ADIPOR2: variants seen among roughly 807,000 people sequenced by gnomAD.
The protein encoded by ADIPOR2 is adiponectin receptor 2.
A neutral mutation model predicts 40.9 loss-of-function variants in ADIPOR2; 18 were observed. The ratio of observed to expected loss-of-function variants is 0.44; its 90% CI spans 0.30 to 0.65. The LOEUF (loss-of-function observed/expected upper bound fraction) is 0.65, where lower values mean the gene tolerates loss of function less well. ADIPOR2 is among the 30% of genes least tolerant of loss of function. ADIPOR2 has a pLI of 0.09. For synonymous variants in ADIPOR2, 165 were observed against 166.4 expected, an observed-to-expected ratio of 0.99 and a Z score of 0.06; for missense variants, 283 against 479.2, an observed-to-expected ratio of 0.59 and a Z score of 3.82.
intron 1 of ADIPOR2, among the ~76,000 whole-genome samples, chr12:1,735,476 C>A (rs1183015294): frequency 6.6e-6 from 1 of 152,194 alleles, no homozygotes; most frequent in Non-Finnish European, 1.5e-5. Flanking sequence ...AGTTGCCTAT[C>A]AGCTTAAGGA....
At chr12:1,719,891 G>T (rs565957256) in intron 1 of ADIPOR2, among the ~76,000 whole-genome samples, 1 of 152,122 alleles carries the variant, frequency 6.6e-6, no homozygotes, top group African/African-American at 2.4e-5. Flanking sequence ...TGGCCAGGCT[G>T]GTCTCGACCT....
intron 1 of ADIPOR2, among the ~76,000 whole-genome samples, chr12:1,706,792 AAACCAC>A (rs1222762271): frequency 6.6e-6 from 1 of 152,140 alleles, no homozygotes; most frequent in African/African-American, 2.4e-5. Context: ...TGGTTCAAGG[AAACCAC>A]TGATTTGCAT....
At chr12:1,766,924 CTT>C (rs745316279) in intron 2 of ADIPOR2, among the ~76,000 whole-genome samples, 1 of 152,302 alleles carries the variant, frequency 6.6e-6, no homozygotes, top group Non-Finnish European at 1.5e-5. Flanking sequence ...TAAATAGACT[CTT>C]GTCAATCACT....
At chr12:1,762,806 T>A (rs1025700957) in intron 2 of ADIPOR2, among the ~76,000 whole-genome samples, 3 of 152,336 alleles carry the variant, frequency 2.0e-5, no homozygotes, top group Middle Eastern at 6.8e-3. Context: ...GTATGTGTAT[T>A]GTACACTGGG....
At chr12:1,777,569 G>C (rs371781963) in intron 3 of ADIPOR2, among the ~76,000 whole-genome samples, 1 of 151,720 alleles carries the variant, frequency 6.6e-6, no homozygotes, top group South Asian at 2.1e-4. Flanking sequence ...TGTATTTTTA[G>C]TAGAGATGGG....
At chr12:1,739,516 TGATA>T (rs1184351420) in intron 1 of ADIPOR2, among the ~76,000 whole-genome samples, 1 of 152,250 alleles carries the variant, frequency 6.6e-6, no homozygotes, top group African/African-American at 2.4e-5. Flanking sequence ...TAATGTTTTG[TGATA>T]GATGAATGAA....
intron 1 of ADIPOR2, among the ~76,000 whole-genome samples, chr12:1,727,568 C>T (rs1453103847): frequency 6.6e-6 from 1 of 152,094 alleles, no homozygotes; most frequent in South Asian, 2.1e-4. Context: ...AATCTGAAGC[C>T]ACATGTGCTC....
At chr12:1,706,824 C>G (rs930821173) in intron 1 of ADIPOR2, among the ~76,000 whole-genome samples, 4 of 152,102 alleles carry the variant, frequency 2.6e-5, no homozygotes, top group African/African-American at 9.7e-5. Flanking sequence ...CATTTTGTCT[C>G]TTAGAATTTC....
At chr12:1,745,165 A>T (rs2094752278) in intron 1 of ADIPOR2, among the ~76,000 whole-genome samples, 1 of 152,174 alleles carries the variant, frequency 6.6e-6, no homozygotes, top group African/African-American at 2.4e-5. Context: ...AGCTTTTGTC[A>T]TGACCTTCGC....
chr12:1,771,162 G>A (rs533822061), intron 2 of ADIPOR2, among the ~76,000 whole-genome samples: 19 of 152,234 alleles, frequency 1.2e-4, no homozygotes, highest in Admixed American at 1.3e-4. Flanking sequence ...CTACACACAC[G>A]CATGTGCACA....
At chr12:1,739,412 T>G (rs2094737978) in intron 1 of ADIPOR2, among the ~76,000 whole-genome samples, 1 of 152,224 alleles carries the variant, frequency 6.6e-6, no homozygotes, top group African/African-American at 2.4e-5. Flanking sequence ...AGGGCAGGGT[T>G]AGCAAACTAT....
intron 1 of ADIPOR2, among the ~76,000 whole-genome samples, chr12:1,749,681 T>C (rs1013742163): frequency 6.6e-6 from 1 of 152,174 alleles, no homozygotes; most frequent in Non-Finnish European, 1.5e-5. Context: ...GCCTTCCATG[T>C]AAGTTTTATA....
intron 2 of ADIPOR2, among the ~76,000 whole-genome samples, chr12:1,762,047 G>A (rs1044807164): frequency 6.6e-6 from 1 of 152,110 alleles, no homozygotes; most frequent in Non-Finnish European, 1.5e-5. Context: ...AGCTGCAGCC[G>A]CATTGGCCTT....
At chr12:1,692,385 T>G (rs923885959) in intron 1 of ADIPOR2, among the ~76,000 whole-genome samples, 1 of 152,214 alleles carries the variant, frequency 6.6e-6, no homozygotes, top group African/African-American at 2.4e-5. Flanking sequence ...GTTGTCAGAG[T>G]GTTGATTGTG....
At chr12:1,764,218 C>T (rs140650878) in intron 2 of ADIPOR2, among the ~76,000 whole-genome samples, 101 of 152,022 alleles carry the variant, frequency 6.6e-4, no homozygotes, top group African/African-American at 2.4e-3. Flanking sequence ...CTGTGGTCCC[C>T]GACACTATAT....
chr12:1,717,665 A>G (rs2094690322), intron 1 of ADIPOR2, among the ~76,000 whole-genome samples: 1 of 152,088 alleles, frequency 6.6e-6, no homozygotes, highest in African/African-American at 2.4e-5. Flanking sequence ...AGATCGTGCC[A>G]TTGTACTCCA....
chr12:1,772,071 C>A (rs1479012804), intron 2 of ADIPOR2, among the ~76,000 whole-genome samples: 3 of 152,230 alleles, frequency 2.0e-5, no homozygotes, highest in Non-Finnish European at 4.4e-5. Context: ...CTCACAATAT[C>A]ATTTTATCTA....
chr12:1,771,318 C>T (rs1284961056), intron 2 of ADIPOR2, among the ~76,000 whole-genome samples: 5 of 151,910 alleles, frequency 3.3e-5, no homozygotes, highest in South Asian at 2.1e-4. Context: ...GAGCCATGAT[C>T]GCACCACTGT....
chr12:1,719,281 A>T (rs1592585219), intron 1 of ADIPOR2, among the ~76,000 whole-genome samples: 1 of 152,180 alleles, frequency 6.6e-6, no homozygotes, highest in South Asian at 2.1e-4. Flanking sequence ...ATTTCTTGAC[A>T]GTTTCTTAAT....
Sources: allele counts gnomAD v4.1 joint callset (sites outside exome capture counted in the v4.1 genomes callset), GRCh38; gene constraint gnomAD v4.1.1; transcripts MANE v1.5; gene names NCBI Gene and HGNC (gene_info 2026-07-23, HGNC 2026-07-21).